Variants in ZFAT observed in about 807,000 individuals in gnomAD.
ZFAT encodes zinc finger protein ZFAT.
In ZFAT, 64 loss-of-function variants were observed where a neutral mutation model predicts 117.7. The observed-to-expected ratio is 0.54, with a 90% CI of 0.44 to 0.67. ZFAT has a LOEUF of 0.67. Ranked by LOEUF, ZFAT falls within the 30% of genes least tolerant of loss-of-function variation. The pLI, the probability that ZFAT is intolerant of heterozygous loss-of-function variation, is 0.00. For missense variants in ZFAT, 1,433 were observed against 1,584.5 expected (o/e 0.90, Z 1.62); for synonymous variants, 679 against 615.0 (o/e 1.10, Z -1.54).
intron 10 of ZFAT, among the ~76,000 whole-genome samples, chr8:134,572,940 A>C (rs1825031912): frequency 1.3e-5 from 2 of 152,238 alleles, no homozygotes; most frequent in Non-Finnish European, 2.9e-5. Flanking sequence ...AAATCATAAC[A>C]ACCTAGATGA....
At chr8:134,588,079 G>C (rs1016775068) in intron 9 of ZFAT, among the ~76,000 whole-genome samples, 167 bp downstream of exon 9, 7 of 152,160 alleles carry the variant, frequency 4.6e-5, no homozygotes, top group African/African-American at 1.7e-4. Context: ...ATTAAGTAAT[G>C]GTTTAAATTA....
chr8:134,761,561 A>T, the ZFAT span, among the ~76,000 whole-genome samples: 2 of 151,752 alleles, frequency 1.3e-5, no homozygotes, highest in Non-Finnish European at 2.9e-5. Context: ...TTAACTAGGC[A>T]TGGTGGCAAA....
the ZFAT span, among the ~76,000 whole-genome samples, chr8:134,774,029 C>T: frequency 9.9e-6 from 1 of 101,382 alleles, no homozygotes; most frequent in Non-Finnish European, 1.8e-5. Flanking sequence ...GCATTTCACT[C>T]TTGTGGCCCA....
chr8:134,522,128 G>A (rs898807613), intron 12 of ZFAT, among the ~76,000 whole-genome samples: 6 of 152,266 alleles, frequency 3.9e-5, no homozygotes, highest in African/African-American at 9.6e-5. Flanking sequence ...CACACTCTCC[G>A]CTAAGTCCTC....
rs767383295 is a variant in ZFAT at position 134,601,507 on chromosome 8, C to T, written c.2212G>A (p.Val738Ile). Residue 738 changes from valine (V) to isoleucine (I), a missense_variant, in exon 6 of 16, where the codon GTT (valine) becomes ATT (isoleucine). By Grantham distance (29) the Val-to-Ile change is conservative. Transcript: ENST00000377838. The part of the protein sequence containing the change: ...NTSLCERIRK[V>I]YGDLECEYCG... ...TATTCACACTCCAGGTCTCCATAAA[C>T]CTTCCGGATCCGCTCACACAAGCTG... 17 of 1,613,510 alleles carry T rather than the reference C, an allele frequency of 1.1e-5. No homozygotes were observed. Among genetic ancestry groups the T allele is most frequent in the Admixed American group, 5.0e-5 (3 of 59,984 alleles).
At chr8:134,832,216 G>C in the ZFAT span, among the ~76,000 whole-genome samples, 2 of 151,446 alleles carry the variant, frequency 1.3e-5, no homozygotes, top group African/African-American at 4.8e-5. Flanking sequence ...CGCCGCGTCC[G>C]TCATGGCGCG....
chr8:134,656,957 C>T (rs958831028), intron 2 of ZFAT, among the ~76,000 whole-genome samples: 3 of 152,200 alleles, frequency 2.0e-5, no homozygotes, highest in Non-Finnish European at 2.9e-5. Flanking sequence ...TCACTTTGCA[C>T]GCTGACTGTG....
At chr8:134,633,891 A>G (rs1830043284) in intron 3 of ZFAT, among the ~76,000 whole-genome samples, 1 of 152,132 alleles carries the variant, frequency 6.6e-6, no homozygotes, top group Non-Finnish European at 1.5e-5. Flanking sequence ...CTAAAAATAC[A>G]AAAAATTAGC....
In ZFAT at chr8:134,712,944, C is replaced by G; in HGVS notation, c.-81G>C. The G allele has an allele frequency of 7.1e-7, 1 of 1,406,106 alleles. No homozygotes were observed. The highest frequency in any genetic ancestry group is 9.4e-7 in the Non-Finnish European group (1 of 1,068,680). The allele number at this position is 1,406,106 out of a possible 1,614,324, so 87.1% of individuals were successfully genotyped here. On this transcript the variant is annotated 5_prime_UTR_variant, in exon 1 of 16. Coordinates refer to ENST00000377838, the MANE Select transcript of ZFAT (RefSeq NM_020863.4). ...CGTGCCGACCGAGGGGGCGGGGCGC[C>G]CTGCTGACGCTTCGCTTTTTATTTT... is the stretch of plus-strand genomic sequence containing the variant.
At chr8:134,796,890 T>C in the ZFAT span, 1 of 152,252 alleles carries the variant, frequency 6.6e-6, no homozygotes, top group Admixed American at 6.5e-5. Context: ...TCATTTATCA[T>C]CCATGTAACA....
chr8:134,769,742 C>T, the ZFAT span, among the ~76,000 whole-genome samples: 1 of 152,226 alleles, frequency 6.6e-6, no homozygotes, highest in Non-Finnish European at 1.5e-5. Flanking sequence ...CCACGCCTCC[C>T]CCCATCCCCC....
chr8:134,509,379 A>G (rs1238517647), intron 15 of ZFAT, among the ~76,000 whole-genome samples: 1 of 151,946 alleles, frequency 6.6e-6, no homozygotes, highest in Admixed American at 6.6e-5. Context: ...ATGAATGGAG[A>G]GTTTCCAGAA....
At chr8:134,581,850 A>G (rs1414417715) in intron 10 of ZFAT, among the ~76,000 whole-genome samples, 2 of 152,168 alleles carry the variant, frequency 1.3e-5, no homozygotes, top group Non-Finnish European at 2.9e-5. Flanking sequence ...TTGGCCTCCC[A>G]AAGTGCTGGG....
chr8:134,512,507 G>A lies in ZFAT; in HGVS notation c.3329C>T (p.Ala1110Val), dbSNP rs773605523. ...DVQGTQAAVA[A>V]LQDLRYTSES... ...AGAGGTGTATCTCAGGTCCTGGAGC[G>A]CGGCCACCGCTGCCTGTGTCCCTTG... is the stretch of plus-strand genomic sequence containing the variant. The change falls in exon 14 of 16, where the codon GCG becomes GTG. Residue 1110 changes from alanine (A) to valine (V), a missense_variant. By Grantham distance (64) the Ala-to-Val change is moderately conservative (BLOSUM62 0). Around this residue, in one of 5 missense-constraint regions of ZFAT, gnomAD observed 503 missense variants for 543.4 expected, o/e 0.93. Transcript: ENST00000377838. 1.1e-5 allele frequency: 17 copies of A among 1,613,884 alleles called. No homozygotes were observed. The highest frequency in any genetic ancestry group is 8.9e-5 in the East Asian group (4 of 44,904).
chr8:134,494,710 G>A (rs1245362694), intron 15 of ZFAT, among the ~76,000 whole-genome samples: 1 of 152,048 alleles, frequency 6.6e-6, no homozygotes, highest in Non-Finnish European at 1.5e-5. Context: ...AAACTCCCAG[G>A]AATAAAGTGT....
chr8:134,512,665 G>C, intron 13 of ZFAT, 64 bp from the exon 14 acceptor site: 2 of 1,571,390 alleles, frequency 1.3e-6, no homozygotes, highest in Non-Finnish European at 1.7e-6. Flanking sequence ...GAAGTTCCAA[G>C]ATAACATACT....
At chr8:134,813,743 T>C in the ZFAT span, among the ~76,000 whole-genome samples, 1 of 151,986 alleles carries the variant, frequency 6.6e-6, no homozygotes, top group Non-Finnish European at 1.5e-5. Flanking sequence ...TATACAACTA[T>C]AATATAGTCT....
intron 1 of ZFAT, among the ~76,000 whole-genome samples, chr8:134,690,550 T>TG (rs1833539685): frequency 1.3e-5 from 2 of 152,220 alleles, no homozygotes; most frequent in African/African-American, 2.4e-5. Context: ...TTATATAAAA[T>TG]GTTCTGATTT....
chr8:134,809,473 G>C, the ZFAT span, among the ~76,000 whole-genome samples: 4 of 152,230 alleles, frequency 2.6e-5, no homozygotes, highest in African/African-American at 9.6e-5. Flanking sequence ...GGTTTGTCCG[G>C]GACTGTGAGG....
Sources: allele counts gnomAD v4.1 joint callset (sites outside exome capture counted in the v4.1 genomes callset), GRCh38; gene constraint gnomAD v4.1.1; regional missense constraint gnomAD v4.1.1; transcripts MANE v1.5; gene names NCBI Gene and HGNC (gene_info 2026-07-23, HGNC 2026-07-21).